VWA2: variants seen among roughly 807,000 people sequenced by gnomAD.
VWA2 encodes von Willebrand factor A domain-containing protein 2.
A neutral mutation model predicts 70.4 loss-of-function variants in VWA2; 73 were observed. The observed-to-expected ratio is 1.04, with a 90% CI of 0.86 to 1.26. VWA2 has a LOEUF of 1.26. VWA2 is among the 50% of genes most tolerant of loss of function. VWA2 has a pLI of 0.00. For synonymous variants in VWA2, 407 were observed against 423.3 expected (o/e 0.96, Z 0.47); for missense variants, 1,011 against 998.5 (o/e 1.01, Z -0.17).
At chr10:114,267,728 C>T (rs2037604525) in intron 5 of VWA2, among the ~76,000 whole-genome samples, 2 of 152,102 alleles carry the variant, frequency 1.3e-5, no homozygotes, top group African/African-American at 4.8e-5. Flanking sequence ...AGGCATGAGC[C>T]ACAGTGCCTG....
chr10:114,281,819 A>G, intron 8 of VWA2: 9 of 892,572 alleles, frequency 1.0e-5, no homozygotes, highest in Non-Finnish European at 1.2e-5. Context: ...CTATACAAAG[A>G]GGAAAGTGAA....
At chr10:114,283,583 A>G (rs149147932) in intron 9 of VWA2, among the ~76,000 whole-genome samples, 431 of 152,338 alleles carry the variant, frequency 2.8e-3, no homozygotes, top group Non-Finnish European at 2.0e-3. Context: ...TTTCAGTCCC[A>G]GCTTTGCCTC....
Position 114,282,387 on chromosome 10 carries a change from A to G in VWA2, c.834-129A>G. ...AAGTTAGGGTAGAATCAAGAAACAA[A>G]ACCAGGAAGTCTTTCTTACTTCTGC... On this transcript the variant is annotated intron_variant, in intron 8 of 13. Coordinates refer to ENST00000392982, the MANE Select transcript of VWA2 (RefSeq NM_001272046.2). 4.1e-6 allele frequency: 3 copies of G among 740,426 alleles called. No individual in the cohort carries two copies. The South Asian group carries it at 4.8e-5, about 12-fold the overall frequency. The allele number at this position is 740,426 out of a possible 1,614,324, so 45.9% of individuals were successfully genotyped here.
At position 114,293,005 on chromosome 10, in the gene VWA2, C is replaced by A. The variant is rs773571622; in HGVS notation, c.*1768C>A. ...TACAGGGGTGAACCACTGTGCCTGG[C>A]CCATTTTTCTTTATAAATATTGTAA... On this transcript the variant is annotated 3_prime_UTR_variant, in exon 14 of 14. Coordinates refer to ENST00000392982, the MANE Select transcript of VWA2 (RefSeq NM_001272046.2). 3.9e-5 allele frequency among the ~76,000 whole-genome samples: 6 copies of A among 152,178 alleles called. No homozygotes were observed. Among genetic ancestry groups the A allele is most frequent in the Non-Finnish European group, 5.9e-5 (4 of 68,034 alleles).
intron 8 of VWA2, 45 bp from the exon 9 acceptor site, chr10:114,282,471 C>G: frequency 6.5e-7 from 1 of 1,538,158 alleles, no homozygotes; most frequent in South Asian, 1.1e-5. Context: ...CTGCCCTCCC[C>G]TTACACCTCT....
At chr10:114,261,463 C>T (rs1334443079) in intron 5 of VWA2, among the ~76,000 whole-genome samples, 168 bp downstream of exon 5, 1 of 152,132 alleles carries the variant, frequency 6.6e-6, no homozygotes, top group Non-Finnish European at 1.5e-5. Context: ...AAGGCTGCCC[C>T]TCCTTATTGC....
At chr10:114,263,682 G>A (rs1358074383) in intron 5 of VWA2, among the ~76,000 whole-genome samples, 2 of 152,048 alleles carry the variant, frequency 1.3e-5, no homozygotes, top group African/African-American at 4.8e-5. Context: ...CCCTGTGACT[G>A]TTACACACGC....
chr10:114,277,922 A>G lies in VWA2; in HGVS notation c.575A>G (p.Glu192Gly), dbSNP rs1205757274. 1.2e-6 allele frequency: 2 copies of G among 1,607,954 alleles called. No individual in the cohort carries two copies. Among genetic ancestry groups the G allele is most frequent in the Non-Finnish European group, 1.7e-6 (2 of 1,176,654 alleles). ...AVGVRFPRWE[E>G]LHALASEPRG... ...ACAACCCCTTGGCACAGGTGGGAGG[A>G]GCTGCATGCACTGGCCAGCGAGCCT... The change falls in exon 7 of 14, where the codon GAG (glutamate) becomes GGG (glycine). Residue 192 changes from glutamate (E) to glycine (G), a missense_variant. Transcript: ENST00000392982.
intron 8 of VWA2, among the ~76,000 whole-genome samples, chr10:114,280,398 G>A (rs2038015353): frequency 6.6e-6 from 1 of 152,176 alleles, no homozygotes; most frequent in Non-Finnish European, 1.5e-5. Flanking sequence ...AGCAGGTGCT[G>A]TGGAGGAACA....
intron 4 of VWA2, 36 bp downstream of exon 4, chr10:114,255,084 G>A (rs981764400): frequency 1.2e-6 from 2 of 1,606,184 alleles, no homozygotes; most frequent in East Asian, 2.2e-5. Context: ...GTGTTAGGGC[G>A]TCTTCTGTGA....
rs1353482587 is a variant in VWA2, at chr10:114,277,928, A to G, written c.581A>G (p.His194Arg). The change falls in exon 7 of 14, where the codon CAT becomes CGT. Residue 194 changes from histidine (H) to arginine (R), a missense_variant. Transcript: ENST00000392982. ...GVRFPRWEEL[H>R]ALASEPRGQH... ...CCTTGGCACAGGTGGGAGGAGCTGC[A>G]TGCACTGGCCAGCGAGCCTAGAGGG... is the stretch of plus-strand genomic sequence containing the variant. 1 of 1,609,448 alleles carries G rather than the reference A, an allele frequency of 6.2e-7. No individual in the cohort carries two copies. Among genetic ancestry groups the G allele is most frequent in the Non-Finnish European group, 8.5e-7 (1 of 1,177,776 alleles).
chr10:114,269,681 A>G (rs2037663565), intron 5 of VWA2, among the ~76,000 whole-genome samples: 2 of 152,180 alleles, frequency 1.3e-5, no homozygotes, highest in Non-Finnish European at 2.9e-5. Context: ...CCAAGGGCAG[A>G]CCCCTGTGAG....
rs552576936 is a variant in VWA2, at chr10:114,246,636, A to G, written c.-10-2068A>G. On this transcript the variant is annotated intron_variant, in intron 1 of 13. Coordinates refer to ENST00000392982, the MANE Select transcript of VWA2 (RefSeq NM_001272046.2). ...GCCAGAGGCCAATGCTCAGAGAAGTACTTGAACACCCCTGGATCACAGCAA... is the reference window on the plus strand; with the variant it reads ...GCCAGAGGCCAATGCTCAGAGAAGTGCTTGAACACCCCTGGATCACAGCAA... 62 of 1,529,338 alleles carry G rather than the reference A, an allele frequency of 4.1e-5. No individual in the cohort carries two copies. In the African/African-American group the frequency reaches 7.4e-4, roughly 18 times the overall value. 94.7% of individuals were successfully genotyped at this position (1,529,338 alleles called of 1,614,324 possible).
At chr10:114,260,164 A>T (rs1267556270) in intron 4 of VWA2, among the ~76,000 whole-genome samples, 1 of 152,176 alleles carries the variant, frequency 6.6e-6, no homozygotes, top group Non-Finnish European at 1.5e-5. Flanking sequence ...AGAACCAATG[A>T]TTAGGTGCAG....
At chr10:114,257,813 C>T (rs2037362460) in intron 4 of VWA2, among the ~76,000 whole-genome samples, 1 of 152,146 alleles carries the variant, frequency 6.6e-6, no homozygotes, top group Non-Finnish European at 1.5e-5. Flanking sequence ...TAGAAAGTGT[C>T]ATTGAGTTCT....
rs762658059 is a variant in VWA2, at chr10:114,289,045, C to T, written c.1678C>T (p.Gln560Ter). ...GAGCTTTGTGAGAAGCTGTGCCCTC[C>T]AGTTTGAGGTGAACCCTGACGTGAC... is the stretch of plus-strand genomic sequence containing the variant. ...MQSFVRSCALQFEVNPDVTQV... is the reference protein window; with the variant it reads ...MQSFVRSCAL Residue 560 changes from glutamine (Q) to a stop codon, truncating the protein, a stop_gained, in exon 12 of 14, where the codon CAG (glutamine) becomes TAG (stop). Transcript: ENST00000392982. LOFTEE classifies it high-confidence loss of function. The T allele has an allele frequency of 1.2e-6, 2 of 1,614,154 alleles. No individual in the cohort carries two copies. Among genetic ancestry groups the T allele is most frequent in the South Asian group, 1.1e-5 (1 of 91,082 alleles).
chr10:114,279,993 T>C (rs1046873253), intron 8 of VWA2, among the ~76,000 whole-genome samples: 1 of 152,250 alleles, frequency 6.6e-6, no homozygotes, highest in African/African-American at 2.4e-5. Context: ...GTATACTTCC[T>C]GGGCCTTGCA....
intron 5 of VWA2, 59 bp downstream of exon 5, chr10:114,261,354 C>G: frequency 9.7e-6 from 14 of 1,442,624 alleles, no homozygotes; most frequent in Non-Finnish European, 1.4e-5. Context: ...TAAAATTGCT[C>G]CCTTGAAGGG....
intron 1 of VWA2, among the ~76,000 whole-genome samples, chr10:114,241,252 G>A (rs2036969829): frequency 6.6e-6 from 1 of 152,118 alleles, no homozygotes; most frequent in Non-Finnish European, 1.5e-5. Context: ...AGTTTGCCCT[G>A]GGGTTTGCTC....
Sources: allele counts gnomAD v4.1 joint callset (sites outside exome capture counted in the v4.1 genomes callset), GRCh38; gene constraint gnomAD v4.1.1; transcripts MANE v1.5; gene names NCBI Gene and HGNC (gene_info 2026-07-23, HGNC 2026-07-21).